PRPF3: variants seen among roughly 807,000 people sequenced by gnomAD.
PRPF3 encodes the protein U4/U6 small nuclear ribonucleoprotein Prp3.
Under a neutral mutation model 89.2 loss-of-function variants are expected in PRPF3, and 3 were observed. The observed-to-expected ratio is 0.03, with a 90% CI of 0.02 to 0.09. The LOEUF is 0.09. PRPF3 is among the 10% of genes least tolerant of loss of function. PRPF3 has a pLI of 1.00. For missense variants in PRPF3, 463 were observed against 828.8 expected (o/e 0.56, Z 5.42); for synonymous variants, 270 against 289.1 (o/e 0.93, Z 0.67).
At chr1:150,327,540 T>G (rs1655865729) in intron 3 of PRPF3, 1 of 982,190 alleles carries the variant, frequency 1.0e-6, no homozygotes, top group African/African-American at 1.7e-5. Flanking sequence ...GGGAGAGTCC[T>G]TTTTCTTGAA....
At chr1:150,341,728 G>GT (rs1657753249) in intron 9 of PRPF3, among the ~76,000 whole-genome samples, 2 of 134,306 alleles carry the variant, frequency 1.5e-5, no homozygotes, top group South Asian at 4.7e-4. Flanking sequence ...TTGAGTTGGA[G>GT]TTTCGCTTTT....
intron 15 of PRPF3, among the ~76,000 whole-genome samples, chr1:150,350,007 TGCCTCA>T (rs1378773728): frequency 2.6e-5 from 4 of 152,002 alleles, no homozygotes; most frequent in East Asian, 1.9e-4. Context: ...ACGATTCTCC[TGCCTCA>T]GCCTCCCAAG....
At chr1:150,324,466 A>G (rs953319291) in intron 1 of PRPF3, among the ~76,000 whole-genome samples, 4 of 152,138 alleles carry the variant, frequency 2.6e-5, no homozygotes, top group Non-Finnish European at 4.4e-5. Flanking sequence ...TTTGCCTTCA[A>G]ATGAGTTGGA....
chr1:150,343,244 AAAAAATAT>A (rs1657957402), intron 9 of PRPF3, 57 bp from the exon 10 acceptor site: 4 of 380,964 alleles, frequency 1.0e-5, no homozygotes, highest in Admixed American at 8.1e-5. Context: ...AGAGAAAAAA[AAAAAATAT>A]ATATATATAT....
chr1:150,336,511 G>A (rs1168371974), intron 7 of PRPF3, among the ~76,000 whole-genome samples: 2 of 151,962 alleles, frequency 1.3e-5, no homozygotes, highest in East Asian at 1.9e-4. Context: ...TAATCCCAGC[G>A]CTTTGGGAGG....
chr1:150,324,442 T>C (rs1655469185), intron 1 of PRPF3, among the ~76,000 whole-genome samples: 2 of 152,200 alleles, frequency 1.3e-5, no homozygotes, highest in South Asian at 2.1e-4. Flanking sequence ...GAGATATGGT[T>C]CTTGGGGAAA....
intron 9 of PRPF3, 88 bp from the exon 10 acceptor site, chr1:150,343,221 G>A: frequency 6.2e-6 from 5 of 802,672 alleles, no homozygotes; most frequent in Non-Finnish European, 7.9e-6. Context: ...CAACCTGGGT[G>A]ACAGAGTGAG....
rs1659096713 is a variant in PRPF3 at position 150,352,982 on chromosome 1, C to G, written c.*3C>G. 1 of 1,613,838 alleles carries G rather than the reference C, an allele frequency of 6.2e-7. No individual in the cohort carries two copies. The highest frequency in any genetic ancestry group is 8.5e-7 in the Non-Finnish European group (1 of 1,179,958). On this transcript the variant is annotated 3_prime_UTR_variant, in exon 16 of 16. Transcript: ENST00000324862. ...CTGTGTTAGAGTCCACTGATTGAGA[C>G]TACTGCAAGCCCTTGCCTCTCCTCC...
At chr1:150,349,301 A>G (rs2102026285) in intron 15 of PRPF3, 83 bp downstream of exon 15, 1 of 987,608 alleles carries the variant, frequency 1.0e-6, no homozygotes, top group East Asian at 2.4e-5. Context: ...ATGGAATGTA[A>G]GATGTAATCA....
chr1:150,338,893 A>G (rs1287129592), intron 8 of PRPF3, among the ~76,000 whole-genome samples: 1 of 152,180 alleles, frequency 6.6e-6, no homozygotes, highest in Non-Finnish European at 1.5e-5. Context: ...ATAACCAGGG[A>G]CACAATCTAC....
At chr1:150,331,607 C>T (rs1185162236) in intron 4 of PRPF3, among the ~76,000 whole-genome samples, 3 of 152,084 alleles carry the variant, frequency 2.0e-5, no homozygotes, top group East Asian at 1.9e-4. Flanking sequence ...TCAAGTGATT[C>T]GCCCACCTCA....
At chr1:150,326,793 G>T (rs782646952) in intron 3 of PRPF3, among the ~76,000 whole-genome samples, 61 of 152,268 alleles carry the variant, frequency 4.0e-4, no homozygotes, top group Middle Eastern at 3.4e-3. Flanking sequence ...GTCAGGCAGT[G>T]TGGCATGTGC....
intron 8 of PRPF3, 68 bp from the exon 9 acceptor site, chr1:150,340,330 T>C (rs1657554078): frequency 8.4e-6 from 10 of 1,196,030 alleles, no homozygotes; most frequent in Non-Finnish European, 1.1e-5. Context: ...TCATTGTATT[T>C]CTGAGACTCC....
intron 8 of PRPF3, among the ~76,000 whole-genome samples, 178 bp downstream of exon 8, chr1:150,338,504 T>TA (rs1657298709): frequency 1.3e-5 from 2 of 150,042 alleles, no homozygotes; most frequent in African/African-American, 4.9e-5. Context: ...TGTTATTTTT[T>TA]TTTTTTTTTT....
intron 3 of PRPF3, among the ~76,000 whole-genome samples, chr1:150,326,550 G>GA (rs1337760497): frequency 8.8e-5 from 13 of 148,084 alleles, no homozygotes; most frequent in African/African-American, 2.0e-4. Flanking sequence ...CTCTTTAGGA[G>GA]AAAAAAAAAA....
intron 14 of PRPF3, among the ~76,000 whole-genome samples, chr1:150,346,892 G>A (rs1658320833): frequency 6.6e-6 from 1 of 152,008 alleles, no homozygotes; most frequent in Admixed American, 6.6e-5. Flanking sequence ...TTCGAGACCA[G>A]CCTGGGCAAA....
In PRPF3 at chr1:150,345,893, G is replaced by A. The variant is rs16836139; in HGVS notation, c.1641-125G>A. The A allele has an allele frequency of 0.027, 21,256 of 779,458 alleles. 1,535 individuals are homozygous for A. The highest frequency in any genetic ancestry group is 0.14 in the Admixed American group (8,295 of 57,876). 48.3% of individuals were successfully genotyped at this position (779,458 alleles called of 1,614,324 possible). On this transcript the variant is annotated intron_variant, in intron 12 of 15. Coordinates refer to ENST00000324862, the MANE Select transcript of PRPF3 (RefSeq NM_004698.4). The stretch of plus-strand genomic sequence containing the variant: ...CTACCTTTTAAGCATTCATCTATTT[G>A]TTTACTCCAGAGGCCTTTGTTTATA...
At chr1:150,341,144 A>G (rs1468766479) in intron 9 of PRPF3, among the ~76,000 whole-genome samples, 2 of 147,710 alleles carry the variant, frequency 1.4e-5, no homozygotes, top group Non-Finnish European at 1.5e-5. Context: ...AGAAAGAAAG[A>G]AAAAAACCCA....
intron 9 of PRPF3, among the ~76,000 whole-genome samples, chr1:150,340,942 C>CA (rs1430038722): frequency 6.6e-6 from 1 of 151,268 alleles, no homozygotes; most frequent in African/African-American, 2.4e-5. Context: ...CCCATCTCTA[C>CA]AAAAAATAAA....
Sources: allele counts gnomAD v4.1 joint callset (sites outside exome capture counted in the v4.1 genomes callset), GRCh38; gene constraint gnomAD v4.1.1; transcripts MANE v1.5; gene names NCBI Gene and HGNC (gene_info 2026-07-23, HGNC 2026-07-21).